Variants in TBC1D22A observed in about 807,000 individuals in gnomAD.
The protein encoded by TBC1D22A is putative GTPase activator.
TBC1D22A carries 38 observed loss-of-function variants against 60.2 expected under a neutral mutation model. That is an observed-to-expected ratio of 0.63 (90% confidence interval 0.49 to 0.83). TBC1D22A has a LOEUF of 0.83. Among genes scored for constraint, TBC1D22A ranks in the 40% least tolerant of loss-of-function variants. TBC1D22A has a pLI of 0.00. For synonymous variants in TBC1D22A, 302 were observed against 281.7 expected, an observed-to-expected ratio of 1.07 and a Z score of -0.72; for missense variants, 628 against 701.0, an observed-to-expected ratio of 0.90 and a Z score of 1.18.
chr22:47,139,139 G>A (rs941854215), intron 12 of TBC1D22A, among the ~76,000 whole-genome samples: 1 of 152,226 alleles, frequency 6.6e-6, no homozygotes, highest in Non-Finnish European at 1.5e-5. Flanking sequence ...GAGCCTTTGC[G>A]GGAGGGTGAC....
intron 12 of TBC1D22A, among the ~76,000 whole-genome samples, chr22:47,147,154 C>T (rs965069456): frequency 1.2e-4 from 19 of 152,186 alleles, no homozygotes; most frequent in African/African-American, 4.3e-4. Context: ...GGGTGGCGGG[C>T]ACTGTCCATC....
At chr22:46,980,906 A>G (rs1368448767) in intron 9 of TBC1D22A, among the ~76,000 whole-genome samples, 1 of 152,264 alleles carries the variant, frequency 6.6e-6, no homozygotes, top group Non-Finnish European at 1.5e-5. Context: ...AAGTAGAATA[A>G]TGTGTCTCAT....
chr22:47,030,854 C>T (rs1422082523), intron 10 of TBC1D22A, among the ~76,000 whole-genome samples: 1 of 152,238 alleles, frequency 6.6e-6, no homozygotes, highest in African/African-American at 2.4e-5. Flanking sequence ...GTTTAGCAGC[C>T]CATCCTTCAC....
chr22:46,953,987 T>C (rs1173629628), intron 8 of TBC1D22A, among the ~76,000 whole-genome samples: 1 of 152,240 alleles, frequency 6.6e-6, no homozygotes, highest in African/African-American at 2.4e-5. Flanking sequence ...AGCAGAGCTG[T>C]GATGGTCTGA....
At chr22:47,035,336 G>A (rs1298384378) in intron 10 of TBC1D22A, among the ~76,000 whole-genome samples, 1 of 152,144 alleles carries the variant, frequency 6.6e-6, no homozygotes, top group African/African-American at 2.4e-5. Context: ...GTGCCTCTGG[G>A]TCCAGGCAGC....
chr22:46,970,488 A>C (rs999843484), intron 8 of TBC1D22A, among the ~76,000 whole-genome samples: 1 of 152,082 alleles, frequency 6.6e-6, no homozygotes, highest in African/African-American at 2.4e-5. Context: ...GGAGTGACAC[A>C]TGTTTTGGGA....
At chr22:46,963,871 C>T (rs2073668943) in intron 8 of TBC1D22A, among the ~76,000 whole-genome samples, 2 of 152,190 alleles carry the variant, frequency 1.3e-5, no homozygotes, top group Admixed American at 1.3e-4. Context: ...GGGCATGGGC[C>T]CACAGGGACA....
intron 12 of TBC1D22A, among the ~76,000 whole-genome samples, chr22:47,140,866 G>A (rs1054366003): frequency 2.0e-5 from 3 of 152,200 alleles, no homozygotes; most frequent in Middle Eastern, 3.2e-3. Context: ...TCCCACAATC[G>A]GCAGCACACA....
intron 12 of TBC1D22A, among the ~76,000 whole-genome samples, chr22:47,127,051 C>T (rs953969480): frequency 7.2e-5 from 11 of 152,158 alleles, no homozygotes; most frequent in African/African-American, 1.7e-4. Flanking sequence ...CACCCACCCT[C>T]GGGGTCTCAG....
At chr22:47,055,831 T>C (rs1199039613) in intron 11 of TBC1D22A, among the ~76,000 whole-genome samples, 1 of 138,208 alleles carries the variant, frequency 7.2e-6, no homozygotes, top group East Asian at 2.4e-4. Flanking sequence ...CAGCCATAAT[T>C]GGGTCTGAGT....
At chr22:46,897,556 AG>A (rs57258066) in intron 7 of TBC1D22A, among the ~76,000 whole-genome samples, 16,903 of 150,722 alleles carry the variant, frequency 0.11, 1,568 homozygotes, top group African/African-American at 0.26. Context: ...CACGCAGAAG[AG>A]GGGTGGATTG....
chr22:46,827,758 G>T (rs1019046257), intron 4 of TBC1D22A, among the ~76,000 whole-genome samples: 3 of 152,160 alleles, frequency 2.0e-5, no homozygotes, highest in Non-Finnish European at 4.4e-5. Flanking sequence ...GAGAGTACCT[G>T]GGTGGAGCGT....
intron 10 of TBC1D22A, among the ~76,000 whole-genome samples, chr22:47,033,492 G>T (rs534132640): frequency 6.6e-6 from 1 of 152,304 alleles, no homozygotes; most frequent in South Asian, 2.1e-4. Context: ...ATGCTCAGTT[G>T]TGTGTACTGG....
chr22:47,046,704 C>T (rs2063043667), intron 11 of TBC1D22A, among the ~76,000 whole-genome samples: 1 of 152,164 alleles, frequency 6.6e-6, no homozygotes, highest in African/African-American at 2.4e-5. Flanking sequence ...GGCGCCTGGG[C>T]CCCCTGAAGC....
intron 11 of TBC1D22A, among the ~76,000 whole-genome samples, chr22:47,040,102 G>T (rs938455645): frequency 6.6e-6 from 1 of 151,850 alleles, no homozygotes; most frequent in South Asian, 2.1e-4. Flanking sequence ...CCGCCACCAC[G>T]CCCGGCTAAT....
intron 7 of TBC1D22A, 127 bp downstream of exon 7, chr22:46,894,973 TG>T (rs2068597894): frequency 4.4e-6 from 4 of 910,440 alleles, no homozygotes; most frequent in Non-Finnish European, 7.3e-6. Flanking sequence ...GAGCTGCCGG[TG>T]CATCTAGCCC....
intron 8 of TBC1D22A, 108 bp from the exon 9 acceptor site, chr22:46,974,182 G>A (rs971692906): frequency 1.2e-6 from 1 of 827,584 alleles, no homozygotes; most frequent in Non-Finnish European, 2.0e-6. Context: ...GAGAGTGGGT[G>A]GAGGGAGCTG....
intron 8 of TBC1D22A, chr22:46,913,967 T>C (rs1487335814): frequency 2.3e-5 from 4 of 171,696 alleles, no homozygotes; most frequent in Non-Finnish European, 4.7e-5. Context: ...TCAGAGACAC[T>C]CTCCTTGCCT....
At chr22:46,806,911 A>G (rs1328482948) in intron 4 of TBC1D22A, among the ~76,000 whole-genome samples, 2 of 152,220 alleles carry the variant, frequency 1.3e-5, no homozygotes, top group Non-Finnish European at 2.9e-5. Flanking sequence ...GAGGAGGGGA[A>G]GTTCAACCTC....
Sources: gnomAD v4.1 joint callset for allele counts (sites outside exome capture counted in the v4.1 genomes callset) on GRCh38, gnomAD v4.1.1 for gene constraint, MANE v1.5 for transcripts, NCBI Gene and HGNC (gene_info 2026-07-23, HGNC 2026-07-21) for gene names.